Variants in SGCZ observed in about 807,000 individuals in gnomAD.
SGCZ encodes sarcoglycan zeta.
A neutral mutation model predicts 41.3 loss-of-function variants in SGCZ; 40 were observed. The observed-to-expected ratio is 0.97, with a 90% CI of 0.75 to 1.26. The LOEUF (loss-of-function observed/expected upper bound fraction) is 1.26. Among genes scored for constraint, SGCZ ranks in the 50% most tolerant of loss-of-function variants. The pLI is 0.00. For missense variants in SGCZ, 552 were observed against 369.8 expected (o/e 1.49, Z -4.04); for synonymous variants, 206 against 137.5 (o/e 1.50, Z -3.49).
At chr8:14,471,403 C>T (rs1048438187) in intron 2 of SGCZ, among the ~76,000 whole-genome samples, 2 of 152,052 alleles carry the variant, frequency 1.3e-5, no homozygotes, top group Non-Finnish European at 2.9e-5. Context: ...ATGTATGCCA[C>T]TTTTCTGATA....
At chr8:15,086,357 T>C (rs1019306057) in intron 1 of SGCZ, among the ~76,000 whole-genome samples, 1 of 152,194 alleles carries the variant, frequency 6.6e-6, no homozygotes, top group African/African-American at 2.4e-5. Flanking sequence ...GCATACCTTA[T>C]TCCAATCAGC....
chr8:14,456,387 A>T (rs1217697121), intron 2 of SGCZ, among the ~76,000 whole-genome samples: 1 of 152,216 alleles, frequency 6.6e-6, no homozygotes, highest in Non-Finnish European at 1.5e-5. Context: ...CAGCCTGCGC[A>T]AGAAGAGTGA....
chr8:15,140,275 T>G (rs559815393), intron 1 of SGCZ, among the ~76,000 whole-genome samples: 1 of 152,138 alleles, frequency 6.6e-6, no homozygotes, highest in Non-Finnish European at 1.5e-5. Flanking sequence ...TCCTCCCACA[T>G]TGGCCTCCCA....
chr8:14,428,793 T>C (rs1045268984), intron 2 of SGCZ, among the ~76,000 whole-genome samples: 5 of 152,216 alleles, frequency 3.3e-5, no homozygotes, highest in Admixed American at 2.6e-4. Flanking sequence ...CTTTCACTTA[T>C]TGATTTCCTG....
intron 1 of SGCZ, among the ~76,000 whole-genome samples, chr8:15,148,454 T>C (rs910258500): frequency 3.3e-5 from 5 of 152,156 alleles, no homozygotes; most frequent in African/African-American, 9.7e-5. Context: ...CTGGGTATTA[T>C]AGCATGACTA....
intron 2 of SGCZ, among the ~76,000 whole-genome samples, chr8:14,529,018 C>T (rs1196463987): frequency 6.6e-6 from 1 of 151,990 alleles, no homozygotes; most frequent in African/African-American, 2.4e-5. Flanking sequence ...TGATCCTATT[C>T]AATTCTTTCT....
chr8:14,610,481 T>G (rs1805892124), intron 1 of SGCZ, among the ~76,000 whole-genome samples: 1 of 152,156 alleles, frequency 6.6e-6, no homozygotes, highest in South Asian at 2.1e-4. Flanking sequence ...AGCATGTAGA[T>G]TCTGTCATTT....
intron 2 of SGCZ, among the ~76,000 whole-genome samples, chr8:14,438,990 A>G (rs1243314388): frequency 6.6e-6 from 1 of 152,014 alleles, no homozygotes; most frequent in Non-Finnish European, 1.5e-5. Flanking sequence ...AAGACATGAG[A>G]TGATTATAAT....
At chr8:14,874,864 C>T (rs1804290614) in intron 1 of SGCZ, among the ~76,000 whole-genome samples, 2 of 152,128 alleles carry the variant, frequency 1.3e-5, no homozygotes, top group Non-Finnish European at 2.9e-5. Flanking sequence ...CAAGCAGTAT[C>T]CCACAATGCT....
intron 2 of SGCZ, among the ~76,000 whole-genome samples, chr8:14,483,873 T>A (rs566715263): frequency 3.3e-5 from 5 of 152,230 alleles, no homozygotes; most frequent in Non-Finnish European, 7.3e-5. Flanking sequence ...CAAGCAATCT[T>A]TTAATAAAAT....
chr8:14,488,777 A>C (rs1162113674), intron 2 of SGCZ, among the ~76,000 whole-genome samples: 1 of 147,690 alleles, frequency 6.8e-6, no homozygotes, highest in Non-Finnish European at 1.5e-5. Flanking sequence ...AGTTGAATTC[A>C]ATCTTTCTCT....
chr8:14,813,669 A>G (rs977604235), intron 1 of SGCZ, among the ~76,000 whole-genome samples: 5 of 152,218 alleles, frequency 3.3e-5, no homozygotes, highest in Non-Finnish European at 5.9e-5. Flanking sequence ...TAATAAAGCA[A>G]GGCCGCGAGC....
chr8:15,190,279 C>T (rs1339179975), intron 1 of SGCZ, among the ~76,000 whole-genome samples: 3 of 152,064 alleles, frequency 2.0e-5, no homozygotes, highest in South Asian at 2.1e-4. Flanking sequence ...CGTAGAACAA[C>T]CTATGTATAT....
chr8:14,739,466 C>T (rs979908861), intron 1 of SGCZ, among the ~76,000 whole-genome samples: 3 of 151,946 alleles, frequency 2.0e-5, no homozygotes, highest in Non-Finnish European at 4.4e-5. Flanking sequence ...GATTAGTTAT[C>T]CAGATTACCA....
intron 1 of SGCZ, among the ~76,000 whole-genome samples, chr8:14,906,568 T>G (rs902514324): frequency 6.6e-6 from 1 of 152,216 alleles, no homozygotes; most frequent in African/African-American, 2.4e-5. Flanking sequence ...AAACAGATAT[T>G]TGGCTTCTAA....
chr8:14,982,590 G>A (rs1801703582), intron 1 of SGCZ, among the ~76,000 whole-genome samples: 1 of 152,050 alleles, frequency 6.6e-6, no homozygotes, highest in Non-Finnish European at 1.5e-5. Flanking sequence ...TTAAACAAGA[G>A]GCACAGTACT....
At chr8:14,141,456 T>C (rs1334570209) in intron 5 of SGCZ, among the ~76,000 whole-genome samples, 1 of 152,008 alleles carries the variant, frequency 6.6e-6, no homozygotes, top group Non-Finnish European at 1.5e-5. Flanking sequence ...ACAAAGAACT[T>C]AAACAAATTA....
At chr8:14,160,941 CAAA>C (rs892205571) in intron 5 of SGCZ, among the ~76,000 whole-genome samples, 1 of 152,126 alleles carries the variant, frequency 6.6e-6, no homozygotes, top group African/African-American at 2.4e-5. Context: ...TGGCATTGCT[CAAA>C]AAATATAAAG....
intron 2 of SGCZ, among the ~76,000 whole-genome samples, chr8:14,511,168 G>C (rs1053775450): frequency 6.6e-6 from 1 of 151,668 alleles, no homozygotes; most frequent in Non-Finnish European, 1.5e-5. Flanking sequence ...TGTATGCCAT[G>C]GGCTCTATCT....
Sources: gnomAD v4.1 joint callset for allele counts (sites outside exome capture counted in the v4.1 genomes callset) on GRCh38, gnomAD v4.1.1 for gene constraint, MANE v1.5 for transcripts, NCBI Gene and HGNC (gene_info 2026-07-23, HGNC 2026-07-21) for gene names.